LRRTM3: variants seen among roughly 807,000 people sequenced by gnomAD.
The protein encoded by LRRTM3 is leucine rich repeat transmembrane neuronal 3, also known as leucine-rich repeat transmembrane neuronal protein 3.
LRRTM3 carries 24 observed loss-of-function variants against 44.7 expected under a neutral mutation model. The ratio of observed to expected loss-of-function variants is 0.54; its 90% CI spans 0.39 to 0.76. LRRTM3 has a LOEUF of 0.76. Ranked by LOEUF, LRRTM3 falls within the 30% of genes least tolerant of loss-of-function variation. The pLI is 0.00. For synonymous variants in LRRTM3, 277 were observed against 278.7 expected, an observed-to-expected ratio of 0.99 and a Z score of 0.06; for missense variants, 587 against 702.2, an observed-to-expected ratio of 0.84 and a Z score of 1.85.
intron 2 of LRRTM3, among the ~76,000 whole-genome samples, chr10:66,971,521 C>G (rs943074073): frequency 2.6e-5 from 4 of 152,114 alleles, no homozygotes; most frequent in African/African-American, 9.7e-5. Flanking sequence ...ATTTGTATGG[C>G]TTTGTGCCAG....
chr10:66,940,374 G>C (rs1847935674), intron 2 of LRRTM3, among the ~76,000 whole-genome samples: 1 of 152,110 alleles, frequency 6.6e-6, no homozygotes, highest in Non-Finnish European at 1.5e-5. Flanking sequence ...CACATGCTTG[G>C]AAGCTGAAGT....
At chr10:66,943,845 G>A (rs1848147619) in intron 2 of LRRTM3, among the ~76,000 whole-genome samples, 1 of 152,176 alleles carries the variant, frequency 6.6e-6, no homozygotes, top group Admixed American at 6.5e-5. Context: ...TCTATTAAGT[G>A]TGCAGTAGCA....
intron 2 of LRRTM3, among the ~76,000 whole-genome samples, chr10:66,974,828 T>A (rs970445253): frequency 6.6e-6 from 1 of 152,136 alleles, no homozygotes; most frequent in Non-Finnish European, 1.5e-5. Context: ...GAAGTGTCTG[T>A]TGAAGACTTT....
Position 66,976,276 on chromosome 10 carries a change from A to G in LRRTM3, c.1536+47824A>G, listed in dbSNP as rs1053941573. ...TGGAATGGCGGCACTAATATAGGGAATCAGGGACGATACCCCTGTAAAAGG... is the reference window on the plus strand; with the variant it reads ...TGGAATGGCGGCACTAATATAGGGAGTCAGGGACGATACCCCTGTAAAAGG... On this transcript the variant is annotated intron_variant, in intron 2 of 2. Transcript: ENST00000361320. Among the ~76,000 whole-genome samples the G allele has an allele frequency of 4.1e-4, 63 of 152,312 alleles. 1 individual carries two copies. The highest frequency in any genetic ancestry group is 1.4e-3 in the African/African-American group (57 of 41,580).
intron 2 of LRRTM3, among the ~76,000 whole-genome samples, chr10:67,065,287 A>C (rs1323141877): frequency 6.6e-6 from 1 of 152,174 alleles, no homozygotes; most frequent in East Asian, 1.9e-4. Context: ...CTGTTTCATC[A>C]TTTAAAAACC....
intron 2 of LRRTM3, among the ~76,000 whole-genome samples, chr10:67,037,842 A>G (rs1854158606): frequency 1.3e-5 from 2 of 152,138 alleles, no homozygotes. Context: ...GTATTGGTAA[A>G]TTATGATTAG....
intron 2 of LRRTM3, among the ~76,000 whole-genome samples, chr10:67,049,773 A>G (rs1283947935): frequency 6.6e-6 from 1 of 152,228 alleles, no homozygotes; most frequent in Non-Finnish European, 1.5e-5. Flanking sequence ...GATTCTGTGT[A>G]GTAGCACAAA....
intron 2 of LRRTM3, among the ~76,000 whole-genome samples, chr10:67,054,194 TAA>T (rs11334144): frequency 1.3e-5 from 2 of 150,836 alleles, no homozygotes; most frequent in African/African-American, 2.4e-5. Flanking sequence ...TCCTGGTTAT[TAA>T]AAAAAAAACT....
chr10:66,944,468 A>C (rs1589464108), intron 2 of LRRTM3, among the ~76,000 whole-genome samples: 1 of 152,300 alleles, frequency 6.6e-6, no homozygotes, highest in South Asian at 2.1e-4. Context: ...GTCATCCATG[A>C]GGGTTGGAAT....
chr10:66,932,713 AATAC>A (rs1182097002), intron 2 of LRRTM3, among the ~76,000 whole-genome samples: 2 of 152,120 alleles, frequency 1.3e-5, no homozygotes, highest in East Asian at 3.9e-4. Flanking sequence ...AAATAATAAT[AATAC>A]ATAGGTGAAA....
At position 66,959,769 on chromosome 10, in the gene LRRTM3, A is replaced by T. The variant is rs1243229971; in HGVS notation, c.1536+31317A>T. Among the ~76,000 whole-genome samples the T allele has an allele frequency of 2.6e-5, 4 of 152,110 alleles. No homozygotes were observed. In the East Asian group the frequency reaches 7.7e-4, roughly 29 times the overall value. On this transcript the variant is annotated intron_variant, in intron 2 of 2. Transcript: ENST00000361320. ...ACCTTTCTTTCTTTTCCTAGCTTTAATTTTCTCTCTATCCGACCAGAAACT... is the reference window on the plus strand; with the variant it reads ...ACCTTTCTTTCTTTTCCTAGCTTTATTTTTCTCTCTATCCGACCAGAAACT...
intron 2 of LRRTM3, among the ~76,000 whole-genome samples, chr10:66,998,698 C>T (rs537361548): frequency 6.6e-6 from 1 of 152,120 alleles, no homozygotes; most frequent in Admixed American, 6.6e-5. Flanking sequence ...ATAACATTGT[C>T]CAGAATATAC....
intron 2 of LRRTM3, among the ~76,000 whole-genome samples, chr10:66,953,276 A>T (rs1848629647): frequency 6.6e-6 from 1 of 152,228 alleles, no homozygotes. Context: ...CTTATGAAGA[A>T]GGAAATCATT....
chr10:67,092,626 C>G (rs1857722362), intron 2 of LRRTM3, among the ~76,000 whole-genome samples: 1 of 151,900 alleles, frequency 6.6e-6, no homozygotes, highest in South Asian at 2.1e-4. Flanking sequence ...TTAATCACAA[C>G]TTAGAAACTT....
chr10:67,086,653 A>G (rs1564881648), intron 2 of LRRTM3, among the ~76,000 whole-genome samples: 1 of 152,040 alleles, frequency 6.6e-6, no homozygotes, highest in Admixed American at 6.6e-5. Context: ...GTGGGCTATT[A>G]GAAGTCATGA....
At chr10:67,071,521 T>C (rs1856464778) in intron 2 of LRRTM3, among the ~76,000 whole-genome samples, 1 of 152,082 alleles carries the variant, frequency 6.6e-6, no homozygotes, top group Non-Finnish European at 1.5e-5. Context: ...TGTTTGTTTG[T>C]TTCTTTGACT....
At chr10:67,021,262 A>C (rs1392856578) in intron 2 of LRRTM3, among the ~76,000 whole-genome samples, 1 of 152,210 alleles carries the variant, frequency 6.6e-6, no homozygotes, top group African/African-American at 2.4e-5. Flanking sequence ...AGATATATAC[A>C]GAATATAGTA....
intron 2 of LRRTM3, among the ~76,000 whole-genome samples, chr10:67,090,809 A>C (rs2131908415): frequency 6.6e-6 from 1 of 152,208 alleles, no homozygotes; most frequent in South Asian, 2.1e-4. Context: ...CAGCTGCAGA[A>C]ATCCTAAAGA....
chr10:66,935,491 A>G (rs1847645338), intron 2 of LRRTM3, among the ~76,000 whole-genome samples: 1 of 152,032 alleles, frequency 6.6e-6, no homozygotes, highest in South Asian at 2.1e-4. Flanking sequence ...TGGTTTGTGT[A>G]CTGGCACCAA....
Sources: allele counts gnomAD v4.1 joint callset (sites outside exome capture counted in the v4.1 genomes callset), GRCh38; gene constraint gnomAD v4.1.1; transcripts MANE v1.5; gene names NCBI Gene and HGNC (gene_info 2026-07-23, HGNC 2026-07-21).